The following SYNPO2 variants were observed in gnomAD, a reference collection of about 807,000 sequenced individuals.
SYNPO2 encodes synaptopodin 2.
In SYNPO2, 56 loss-of-function variants were observed where a neutral mutation model predicts 85.0. The observed-to-expected ratio is 0.66, with a 90% CI of 0.53 to 0.82. The LOEUF (loss-of-function observed/expected upper bound fraction) is 0.82. Ranked by LOEUF, SYNPO2 falls within the 40% of genes least tolerant of loss-of-function variation. The pLI, the probability that SYNPO2 is intolerant of heterozygous loss-of-function variation, is 0.00. For synonymous variants in SYNPO2, 602 were observed against 591.1 expected, an observed-to-expected ratio of 1.02 and a Z score of -0.27; for missense variants, 1,575 against 1,534.2, an observed-to-expected ratio of 1.03 and a Z score of -0.44.
chr4:118,909,998 C>T (rs1407599642), intron 1 of SYNPO2, among the ~76,000 whole-genome samples: 1 of 152,162 alleles, frequency 6.6e-6, no homozygotes, highest in Non-Finnish European at 1.5e-5. Flanking sequence ...ATAATTCCAC[C>T]CCCTTCCCCA....
intron 1 of SYNPO2, among the ~76,000 whole-genome samples, chr4:119,007,311 C>CTATATATATATATGT (rs1737117402): frequency 1.6e-5 from 1 of 64,056 alleles, no homozygotes; most frequent in Non-Finnish European, 3.1e-5. Flanking sequence ...TATACACGCA[C>CTATATATATATATGT]ATATAGGCAT....
chr4:118,973,972 G>GTCAGGTAT (rs2149157971), intron 1 of SYNPO2, among the ~76,000 whole-genome samples: 1 of 152,308 alleles, frequency 6.6e-6, no homozygotes, highest in East Asian at 1.9e-4. Flanking sequence ...AAAAGCAGGA[G>GTCAGGTAT]TCAGGTATTA....
chr4:118,890,957 G>A (rs1560829294), intron 1 of SYNPO2, among the ~76,000 whole-genome samples: 1 of 152,078 alleles, frequency 6.6e-6, no homozygotes, highest in Non-Finnish European at 1.5e-5. Context: ...TTGGCAGCCA[G>A]GCCTCAAGAA....
chr4:119,039,974 C>G (rs1280959866), intron 4 of SYNPO2, among the ~76,000 whole-genome samples: 1 of 152,116 alleles, frequency 6.6e-6, no homozygotes, highest in African/African-American at 2.4e-5. Context: ...GAGTCCCAGG[C>G]CTGCCTCCTG....
intron 4 of SYNPO2, chr4:119,032,928 T>G: frequency 1.1e-6 from 1 of 924,030 alleles, no homozygotes; most frequent in Non-Finnish European, 1.3e-6. Flanking sequence ...TAAAGGTTGA[T>G]TCCCACCCTC....
chr4:119,005,666 C>T (rs565822768), intron 1 of SYNPO2, among the ~76,000 whole-genome samples: 1 of 151,640 alleles, frequency 6.6e-6, no homozygotes, highest in East Asian at 1.9e-4. Flanking sequence ...TAGCGTGATG[C>T]CTCCTGCTTT....
intron 1 of SYNPO2, among the ~76,000 whole-genome samples, chr4:118,921,676 C>A (rs182385426): frequency 1.3e-5 from 2 of 152,200 alleles, no homozygotes; most frequent in Admixed American, 6.5e-5. Context: ...AAAAATAGAT[C>A]CTTTATTAAT....
intron 4 of SYNPO2, among the ~76,000 whole-genome samples, chr4:119,050,124 G>T (rs1018557240): frequency 5.9e-5 from 9 of 152,096 alleles, no homozygotes; most frequent in African/African-American, 1.9e-4. Context: ...CTGAGGTCAG[G>T]AGTTCAAGGC....
chr4:118,938,144 A>C lies in SYNPO2; in HGVS notation c.105+49003A>C, dbSNP rs77393895. Reference sequence around the variant, plus strand: ...CGGCGAAACCTCATCTCTACTAAAAAATACAAAAAATTAGCCAGGCGGTAG... The same window carrying C: ...CGGCGAAACCTCATCTCTACTAAAACATACAAAAAATTAGCCAGGCGGTAG... On this transcript the variant is annotated intron_variant, in intron 1 of 4. Coordinates refer to ENST00000307142, the MANE Select transcript of SYNPO2 (RefSeq NM_133477.3). Among the ~76,000 whole-genome samples, 934 of 152,222 alleles carry C rather than the reference A, an allele frequency of 6.1e-3. 44 individuals are homozygous for C. In the East Asian group the frequency reaches 0.13, roughly 20 times the overall value.
intron 1 of SYNPO2, among the ~76,000 whole-genome samples, chr4:118,966,571 T>A (rs921682567): frequency 2.0e-5 from 3 of 152,198 alleles, no homozygotes; most frequent in African/African-American, 7.2e-5. Flanking sequence ...GATTTAGGAT[T>A]GGACCCCAGG....
chr4:118,941,049 C>T (rs1282893572), intron 1 of SYNPO2, among the ~76,000 whole-genome samples: 1 of 152,148 alleles, frequency 6.6e-6, no homozygotes, highest in Admixed American at 6.5e-5. Flanking sequence ...CTTCCCTGCT[C>T]CAGAGCAGCA....
chr4:118,930,751 C>CAAAA (rs3051232), intron 1 of SYNPO2, among the ~76,000 whole-genome samples: 2 of 120,028 alleles, frequency 1.7e-5, no homozygotes, highest in Non-Finnish European at 3.4e-5. Context: ...CCCATATCTA[C>CAAAA]AAAAAAAAAA....
chr4:118,888,182 G>T (rs992457102), upstream of SYNPO2, among the ~76,000 whole-genome samples: 6 of 152,152 alleles, frequency 3.9e-5, no homozygotes, highest in Non-Finnish European at 8.8e-5. Context: ...AACAAAACAC[G>T]TTAAAATTTA....
At chr4:119,023,296 T>C in intron 1 of SYNPO2, 134 bp from the exon 2 acceptor site, 2 of 827,370 alleles carry the variant, frequency 2.4e-6, no homozygotes, top group Non-Finnish European at 3.7e-6. Context: ...AGTATTTAAA[T>C]GGTCTTACAG....
At chr4:118,931,601 T>C (rs920641571) in intron 1 of SYNPO2, among the ~76,000 whole-genome samples, 3 of 152,182 alleles carry the variant, frequency 2.0e-5, no homozygotes, top group East Asian at 1.9e-4. Context: ...ATAAAGAACT[T>C]ATCTCTGCTG....
At chr4:118,910,868 T>C (rs1358471644) in intron 1 of SYNPO2, among the ~76,000 whole-genome samples, 1 of 152,208 alleles carries the variant, frequency 6.6e-6, no homozygotes, top group Non-Finnish European at 1.5e-5. Flanking sequence ...AAAGTCCAGT[T>C]GTTTTCATGA....
intron 4 of SYNPO2, among the ~76,000 whole-genome samples, chr4:119,047,775 G>GGACAGTTGAAT (rs1738916063): frequency 6.6e-6 from 1 of 152,128 alleles, no homozygotes; most frequent in South Asian, 2.1e-4. Context: ...GTGTTGAACT[G>GGACAGTTGAAT]TTTCTACTGT....
chr4:119,052,020 T>C (rs1346500264), intron 4 of SYNPO2, among the ~76,000 whole-genome samples: 1 of 152,128 alleles, frequency 6.6e-6, no homozygotes, highest in African/African-American at 2.4e-5. Context: ...TACCTCAAGC[T>C]GTGTGCAAGA....
chr4:118,925,720 T>A (rs1254007969), intron 1 of SYNPO2, among the ~76,000 whole-genome samples: 2 of 152,180 alleles, frequency 1.3e-5, no homozygotes, highest in Non-Finnish European at 2.9e-5. Context: ...CCCCAGTATA[T>A]TTTTAAGAAA....
Sources: allele counts gnomAD v4.1 joint callset (sites outside exome capture counted in the v4.1 genomes callset), GRCh38; gene constraint gnomAD v4.1.1; transcripts MANE v1.5; gene names NCBI Gene and HGNC (gene_info 2026-07-23, HGNC 2026-07-21).